Variants in KTN1 observed in about 807,000 individuals in gnomAD.
The protein encoded by KTN1 is kinectin 1, also known as kinectin.
Under a neutral mutation model 222.5 loss-of-function variants are expected in KTN1, and 130 were observed. The ratio of observed to expected loss-of-function variants is 0.58; its 90% CI spans 0.51 to 0.68. The LOEUF (loss-of-function observed/expected upper bound fraction) is 0.68, where lower values mean the gene tolerates loss of function less well. Ranked by LOEUF, KTN1 falls within the 30% of genes least tolerant of loss-of-function variation. The pLI is 0.00. For synonymous variants in KTN1, 512 were observed against 496.3 expected (o/e 1.03, Z -0.42); for missense variants, 1,508 against 1,500.4 (o/e 1.01, Z -0.08).
intron 32 of KTN1, chr14:55,663,660 C>G (rs1439576197): frequency 3.8e-6 from 1 of 265,858 alleles, no homozygotes; most frequent in Non-Finnish European, 7.1e-6. Context: ...TGTATGTATT[C>G]TTGGTTTGTG....
At position 55,672,686 on chromosome 14, in the gene KTN1, T is replaced by G. The variant is rs2141331014; in HGVS notation, c.3588T>G (p.Asn1196Lys). 3.1e-6 allele frequency: 5 copies of G among 1,593,242 alleles called. No individual in the cohort carries two copies. The East Asian group carries it at 1.1e-4, about 36-fold the overall frequency. The change falls in exon 38 of 44, where the codon AAT (asparagine) becomes AAG (lysine). Residue 1196 changes from asparagine (N) to lysine (K), a missense_variant. Asn to Lys is a moderately conservative substitution (Grantham distance 94). Transcript: ENST00000395314. ...AGCTAGAGCGATTAAGAAGCGAAAA[T>G]AAGGATATTGAAAATGTATGTTATT... ...EQELERLRSE[N>K]KDIENLRRER...
At chr14:55,610,911 C>T (rs903548890) in intron 1 of KTN1, among the ~76,000 whole-genome samples, 1 of 152,206 alleles carries the variant, frequency 6.6e-6, no homozygotes, top group Admixed American at 6.5e-5. Context: ...CCGCCCCGGG[C>T]GTACTTACTG....
intron 18 of KTN1, chr14:55,644,560 CTTTTT>C (rs34100965): frequency 4.8e-3 from 1,539 of 318,420 alleles, no homozygotes; most frequent in South Asian, 7.3e-3. Flanking sequence ...CAGAATAAGA[CTTTTT>C]TTTTTTTTTT....
intron 31 of KTN1, chr14:55,661,311 T>G: frequency 2.3e-6 from 1 of 441,964 alleles, no homozygotes; most frequent in South Asian, 4.1e-5. Context: ...GAGCATACCA[T>G]ATTAGGCATA....
chr14:55,683,664 T>A (rs1189208235), intron 43 of KTN1: 1 of 153,704 alleles, frequency 6.5e-6, no homozygotes, highest in Non-Finnish European at 1.4e-5. Flanking sequence ...GAAGTTTAAT[T>A]TCTTTAGTCA....
chr14:55,652,868 A>G lies in KTN1; in HGVS notation c.2622A>G (p.Glu874=), dbSNP rs372523337. ...ELQNLLKGKE[E]QMNTMKAVLE... Reference sequence around the variant, plus strand: ...TTATCAGATTAAAAGGAAAAGAGGAACAGATGAATACCATGAAGGCTGTTT... The same window carrying G: ...TTATCAGATTAAAAGGAAAAGAGGAGCAGATGAATACCATGAAGGCTGTTT... The change falls in exon 26 of 44, where the codon GAA becomes GAG. Residue 874 remains glutamate (E), a synonymous_variant. Transcript: ENST00000395314. 232 of 1,605,168 alleles carry G rather than the reference A, an allele frequency of 1.4e-4. 1 individual carries two copies. The Middle Eastern group carries it at 5.7e-3, about 39-fold the overall frequency.
intron 1 of KTN1, among the ~76,000 whole-genome samples, chr14:55,606,244 G>A (rs2036709020): frequency 6.6e-6 from 1 of 152,108 alleles, no homozygotes; most frequent in Non-Finnish European, 1.5e-5. Flanking sequence ...TCTTAAAGGT[G>A]TATTCATTTA....
chr14:55,584,449 G>C (rs1054910975), intron 1 of KTN1, among the ~76,000 whole-genome samples: 4 of 152,154 alleles, frequency 2.6e-5, no homozygotes, highest in African/African-American at 9.7e-5. Context: ...ACTTCTCCTG[G>C]CAAGAAGGTG....
chr14:55,581,471 G>C (rs1161113590), intron 1 of KTN1, among the ~76,000 whole-genome samples: 2 of 151,972 alleles, frequency 1.3e-5, no homozygotes. Context: ...GTGTGTGTGT[G>C]TGATGACTTT....
chr14:55,615,141 T>C (rs1183998537), intron 2 of KTN1, among the ~76,000 whole-genome samples: 1 of 152,184 alleles, frequency 6.6e-6, no homozygotes, highest in Non-Finnish European at 1.5e-5. Context: ...AAGAGAATTA[T>C]CATGGGAACT....
At chr14:55,619,146 G>A (rs2038792354) in intron 4 of KTN1, 36 bp from the exon 5 acceptor site, 3 of 1,551,930 alleles carry the variant, frequency 1.9e-6, no homozygotes, top group Non-Finnish European at 8.8e-7. Flanking sequence ...TTTTTTAAAT[G>A]CCAACTCTTT....
chr14:55,587,390 A>G (rs2033231337), intron 1 of KTN1, among the ~76,000 whole-genome samples: 1 of 152,216 alleles, frequency 6.6e-6, no homozygotes, highest in African/African-American at 2.4e-5. Context: ...CTTGTTCATC[A>G]GTAATGTAAG....
chr14:55,610,517 G>A (rs1467684780), intron 1 of KTN1, among the ~76,000 whole-genome samples: 1 of 152,126 alleles, frequency 6.6e-6, no homozygotes, highest in Non-Finnish European at 1.5e-5. Flanking sequence ...CGTTTAGGTA[G>A]AATTTGGTTT....
intron 41 of KTN1, among the ~76,000 whole-genome samples, chr14:55,677,327 A>G (rs1423901759): frequency 6.6e-6 from 1 of 152,022 alleles, no homozygotes; most frequent in Admixed American, 6.5e-5. Context: ...AAATACAAAA[A>G]TTAGCCGGGT....
Position 55,612,327 on chromosome 14 carries a change from AGAT to A in KTN1, c.283_285del (p.Asp95del), listed in dbSNP as rs1566707466. On this transcript the variant is annotated inframe_deletion, in exon 2 of 44. Coordinates refer to ENST00000395314, the MANE Select transcript of KTN1 (RefSeq NM_001079521.2). ...AATTATCAGATGCTTTGGCAGTAGA[AGAT>A]GATCAAGTTGCACCTGTTCCATTGA... 1.9e-6 allele frequency: 3 copies of A among 1,614,204 alleles called. No individual in the cohort carries two copies. Among genetic ancestry groups the A allele is most frequent in the Non-Finnish European group, 2.5e-6 (3 of 1,180,030 alleles).
In KTN1 at chr14:55,641,211, G is replaced by C; in HGVS notation, c.2103+3G>C. 1 of 1,557,794 alleles carries C rather than the reference G, an allele frequency of 6.4e-7. No homozygotes were observed. Among genetic ancestry groups the C allele is most frequent in the South Asian group, 1.2e-5 (1 of 84,564 alleles). ...CAAACAAAATGGAAGAATTTAAGGT[G>C]TGTGATTAAGCTTGTACACTCAGGT... On this transcript the variant is annotated splice_donor_region_variant and intron_variant, in intron 17 of 43. Coordinates refer to ENST00000395314, the MANE Select transcript of KTN1 (RefSeq NM_001079521.2).
At chr14:55,629,201 G>A (rs189621669) in intron 6 of KTN1, among the ~76,000 whole-genome samples, 2 of 152,178 alleles carry the variant, frequency 1.3e-5, no homozygotes, top group African/African-American at 4.8e-5. Context: ...TGAATCATGA[G>A]GTCAGGAGAT....
At chr14:55,609,552 T>G (rs761319829) in intron 1 of KTN1, among the ~76,000 whole-genome samples, 5 of 152,210 alleles carry the variant, frequency 3.3e-5, no homozygotes, top group African/African-American at 1.2e-4. Context: ...TTAAAACATT[T>G]GAAGAATCAG....
At chr14:55,617,206 A>G (rs1231322892) in intron 3 of KTN1, among the ~76,000 whole-genome samples, 1 of 152,218 alleles carries the variant, frequency 6.6e-6, no homozygotes, top group Non-Finnish European at 1.5e-5. Flanking sequence ...GAGAAATATT[A>G]CCTGAATATA....
Sources: allele counts gnomAD v4.1 joint callset (sites outside exome capture counted in the v4.1 genomes callset), GRCh38; gene constraint gnomAD v4.1.1; transcripts MANE v1.5; gene names NCBI Gene and HGNC (gene_info 2026-07-23, HGNC 2026-07-21).